Variants in CDH12 observed in about 807,000 individuals in gnomAD.
The protein encoded by CDH12 is cadherin-12.
CDH12 carries 41 observed loss-of-function variants against 74.1 expected under a neutral mutation model. The observed-to-expected ratio is 0.55, with a 90% CI of 0.43 to 0.72. The LOEUF is 0.72. CDH12 is among the 30% of genes least tolerant of loss of function. The pLI is 0.00. For synonymous variants in CDH12, 399 were observed against 355.0 expected (o/e 1.12, Z -1.39); for missense variants, 945 against 977.2 (o/e 0.97, Z 0.44).
chr5:22,543,228 G>A (rs996978760), intron 1 of CDH12, among the ~76,000 whole-genome samples: 1 of 152,030 alleles, frequency 6.6e-6, no homozygotes, highest in South Asian at 2.1e-4. Context: ...CATAAAACTT[G>A]TAAATCAAGA....
intron 1 of CDH12, among the ~76,000 whole-genome samples, chr5:22,529,511 G>A (rs2126700803): frequency 6.6e-6 from 1 of 152,172 alleles, no homozygotes; most frequent in East Asian, 1.9e-4. Flanking sequence ...CTTACTTTGG[G>A]GAGAGTCAGC....
intron 1 of CDH12, among the ~76,000 whole-genome samples, chr5:22,596,051 T>A (rs985020324): frequency 1.3e-5 from 2 of 151,076 alleles, no homozygotes; most frequent in Non-Finnish European, 3.0e-5. Flanking sequence ...GAGCTTGCAG[T>A]GAGCCGAGAT....
chr5:22,744,514 G>T (rs1560999741), intron 1 of CDH12, among the ~76,000 whole-genome samples: 1 of 151,876 alleles, frequency 6.6e-6, no homozygotes, highest in Non-Finnish European at 1.5e-5. Context: ...ATAATGAAAA[G>T]TTTATATTTT....
chr5:22,013,690 T>C (rs1460283402), intron 5 of CDH12, among the ~76,000 whole-genome samples: 2 of 152,138 alleles, frequency 1.3e-5, no homozygotes, highest in African/African-American at 4.8e-5. Flanking sequence ...ATTCTTAATA[T>C]AAAGCAGTTT....
At chr5:22,047,715 A>G (rs1174908707) in intron 5 of CDH12, among the ~76,000 whole-genome samples, 1 of 152,184 alleles carries the variant, frequency 6.6e-6, no homozygotes, top group East Asian at 1.9e-4. Context: ...AAGCCTATCC[A>G]CAAGTCCAAA....
chr5:22,322,116 T>G (rs1016094580), intron 3 of CDH12, among the ~76,000 whole-genome samples: 2 of 152,110 alleles, frequency 1.3e-5, no homozygotes, highest in African/African-American at 4.8e-5. Context: ...GCTTCCTGTG[T>G]AGGATGAGAG....
rs979811359 is a variant in CDH12 at position 22,546,120 on chromosome 5, G to A, written c.-522-40756C>T. On this transcript the variant is annotated intron_variant, in intron 1 of 14. Transcript: ENST00000382254. ...CCACCACGCCTGGCTTATTTTTTGC[G>A]TTTTTAGTAGACACAGGGTTTCACT... Among the ~76,000 whole-genome samples the A allele has an allele frequency of 3.3e-5, 5 of 151,958 alleles. 1 individual carries two copies. Among genetic ancestry groups the A allele is most frequent in the Middle Eastern group, 3.4e-3 (1 of 294 alleles).
intron 2 of CDH12, among the ~76,000 whole-genome samples, chr5:22,444,542 T>TG (rs1744745338): frequency 1.3e-5 from 2 of 151,300 alleles, no homozygotes; most frequent in Non-Finnish European, 3.0e-5. Context: ...TTTAACAGTT[T>TG]TTTTTTTTTT....
chr5:22,514,487 C>T (rs544814284), intron 1 of CDH12, among the ~76,000 whole-genome samples: 2 of 151,744 alleles, frequency 1.3e-5, no homozygotes, highest in East Asian at 1.9e-4. Context: ...CCAGAAATAA[C>T]CAGATCCCAG....
chr5:22,009,955 A>G (rs1381858786), intron 5 of CDH12, among the ~76,000 whole-genome samples: 52 of 151,112 alleles, frequency 3.4e-4, no homozygotes, highest in East Asian at 5.8e-4. Context: ...AAAAAAAAAA[A>G]AAAAGAAAAA....
At chr5:22,592,805 G>C (rs111919874) in intron 1 of CDH12, among the ~76,000 whole-genome samples, 1 of 151,440 alleles carries the variant, frequency 6.6e-6, no homozygotes, top group Non-Finnish European at 1.5e-5. Flanking sequence ...CTTTGGGAGC[G>C]GATCACCTGA....
At chr5:22,257,287 A>G (rs1027772991) in intron 3 of CDH12, among the ~76,000 whole-genome samples, 3 of 152,136 alleles carry the variant, frequency 2.0e-5, no homozygotes, top group Admixed American at 6.6e-5. Context: ...AAGTTCACCT[A>G]TGTAACAAAC....
At chr5:21,978,769 CGTGTTTAT>C (rs1757178553) in intron 5 of CDH12, among the ~76,000 whole-genome samples, 1 of 151,910 alleles carries the variant, frequency 6.6e-6, no homozygotes, top group African/African-American at 2.4e-5. Flanking sequence ...TGTATACGCA[CGTGTTTAT>C]GTGTTTTCTG....
At chr5:21,786,263 C>G (rs1746191848) in intron 10 of CDH12, among the ~76,000 whole-genome samples, 1 of 152,162 alleles carries the variant, frequency 6.6e-6, no homozygotes. Flanking sequence ...AAGCGATTCT[C>G]CTGCCTCAGC....
At chr5:22,398,121 C>A (rs1005430854) in intron 3 of CDH12, among the ~76,000 whole-genome samples, 1 of 152,058 alleles carries the variant, frequency 6.6e-6, no homozygotes, top group African/African-American at 2.4e-5. Context: ...ACAATTAAGT[C>A]AAAGAAGGCC....
At chr5:22,817,347 A>G (rs1004028799) in intron 1 of CDH12, among the ~76,000 whole-genome samples, 2 of 152,108 alleles carry the variant, frequency 1.3e-5, no homozygotes, top group Non-Finnish European at 2.9e-5. Flanking sequence ...TTGAAAGATC[A>G]TATATTTTCT....
intron 1 of CDH12, among the ~76,000 whole-genome samples, chr5:22,530,248 C>T (rs932818693): frequency 6.6e-6 from 1 of 152,034 alleles, no homozygotes; most frequent in African/African-American, 2.4e-5. Context: ...TAGAAAAATA[C>T]TTGTAAGAGC....
At chr5:22,440,173 C>G (rs1744568029) in intron 2 of CDH12, among the ~76,000 whole-genome samples, 1 of 151,880 alleles carries the variant, frequency 6.6e-6, no homozygotes, top group Non-Finnish European at 1.5e-5. Flanking sequence ...AGTATGCTAT[C>G]AAAAATATAT....
intron 4 of CDH12, among the ~76,000 whole-genome samples, chr5:22,097,657 C>T (rs1743868717): frequency 6.6e-6 from 1 of 152,096 alleles, no homozygotes; most frequent in African/African-American, 2.4e-5. Context: ...TACAGCCACA[C>T]CTCACTGCCA....
Sources: gnomAD v4.1 joint callset for allele counts (sites outside exome capture counted in the v4.1 genomes callset) on GRCh38, gnomAD v4.1.1 for gene constraint, MANE v1.5 for transcripts, NCBI Gene and HGNC (gene_info 2026-07-23, HGNC 2026-07-21) for gene names.